PIK3R2: variants seen among roughly 807,000 people sequenced by gnomAD.
PIK3R2 encodes the protein phosphatidylinositol 3-kinase regulatory subunit beta.
PIK3R2 carries 40 observed loss-of-function variants against 78.5 expected under a neutral mutation model. The observed-to-expected ratio is 0.51, with a 90% CI of 0.40 to 0.66. The LOEUF (loss-of-function observed/expected upper bound fraction) is 0.66. PIK3R2 is among the 30% of genes least tolerant of loss of function. PIK3R2 has a pLI of 0.00. For missense variants in PIK3R2, 880 were observed against 1,026.6 expected (o/e 0.86, Z 1.95); for synonymous variants, 473 against 457.7 (o/e 1.03, Z -0.43).
chr19:18,159,854 G>T (rs1020639782), intron 2 of PIK3R2, among the ~76,000 whole-genome samples: 1 of 152,154 alleles, frequency 6.6e-6, no homozygotes, highest in Non-Finnish European at 1.5e-5. Context: ...CGATTCTCCT[G>T]CCTCAACCTC....
chr19:18,167,469 T>G lies in PIK3R2; in HGVS notation c.1736+163T>G, dbSNP rs2043821482. Among the ~76,000 whole-genome samples the G allele has an allele frequency of 6.6e-6, 1 of 152,072 alleles. No individual in the cohort carries two copies. Among genetic ancestry groups the G allele is most frequent in the Non-Finnish European group, 1.5e-5 (1 of 68,002 alleles). ...CCCGGGCCCCTTGAAAGTTTTCCCA[T>G]AGGTCAGCCTCAGCTTAGTCAGAGG... is the stretch of plus-strand genomic sequence containing the variant. On this transcript the variant is annotated intron_variant, in intron 13 of 15. Coordinates refer to ENST00000222254, the MANE Select transcript of PIK3R2 (RefSeq NM_005027.4). The surrounding 1 kb of genome is among the most constrained non-coding windows in gnomAD (Gnocchi z 4.5).
rs771849488 is a variant in PIK3R2, at chr19:18,162,208, C to T, written c.908C>T (p.Pro303Leu). ...EEQEVAPPAL[P>L]PKPPKAKPAS... ...TTGTTTTCCTGTCCCCCAGCGCTGC[C>T]GCCTAAACCCCCCAAGGCAAAGCCG... The change falls in exon 8 of 16, where the codon CCG (proline) becomes CTG (leucine). Residue 303 changes from proline (P) to leucine (L), a missense_variant. By Grantham distance (98) the Pro-to-Leu change is moderately conservative (BLOSUM62 -3). Transcript: ENST00000222254. 6.4e-6 allele frequency: 10 copies of T among 1,565,714 alleles called. No homozygotes were observed. The highest frequency in any genetic ancestry group is 7.0e-6 in the Non-Finnish European group (8 of 1,138,688).
rs2043679864 is a variant in PIK3R2, at chr19:18,156,328, T to G, written c.322+127T>G. ...AAAGGACATTTGGTCATTTGACAAGTGTCTTCAGTGCTAGGCTCAGCAGTG... is the reference window on the plus strand; with the variant it reads ...AAAGGACATTTGGTCATTTGACAAGGGTCTTCAGTGCTAGGCTCAGCAGTG... On this transcript the variant is annotated intron_variant, in intron 2 of 15. Transcript: ENST00000222254. The surrounding 1 kb of genome is among the most constrained non-coding windows in gnomAD (Gnocchi z 4.2). 1.4e-6 allele frequency: 1 copy of G among 726,164 alleles called. No individual in the cohort carries two copies. Among genetic ancestry groups the G allele is most frequent in the Admixed American group, 3.8e-5 (1 of 26,352 alleles). The allele number at this position is 726,164 out of a possible 1,614,324, so 45.0% of individuals were successfully genotyped here.
rs1306375145 is a variant in PIK3R2, at chr19:18,167,358, C to T, written c.1736+52C>T. 1 of 1,443,480 alleles carries T rather than the reference C, an allele frequency of 6.9e-7. No individual in the cohort carries two copies. The highest frequency in any genetic ancestry group is 9.4e-7 in the Non-Finnish European group (1 of 1,066,984). The allele number at this position is 1,443,480 out of a possible 1,614,324, so 89.4% of individuals were successfully genotyped here. A position where few individuals can be genotyped will look rare whatever the true frequency, so the allele number is the denominator to read the frequency against. On this transcript the variant is annotated intron_variant, in intron 13 of 15. Coordinates refer to ENST00000222254, the MANE Select transcript of PIK3R2 (RefSeq NM_005027.4). The surrounding 1 kb of genome is among the most constrained non-coding windows in gnomAD (Gnocchi z 4.5). ...CGGCTCCCTGGCGACTGCTGCGGCA[C>T]ATGGAGATCTCTCTAGGAGTCTCAG...
At position 18,168,499 on chromosome 19, in the gene PIK3R2, G is replaced by A. The variant is rs1416155577; in HGVS notation, c.1761G>A (p.Arg587=). The A allele has an allele frequency of 2.6e-6, 2 of 780,820 alleles. No individual in the cohort carries two copies. Among genetic ancestry groups the A allele is most frequent in the African/African-American group, 1.7e-5 (1 of 59,126 alleles). 48.4% of individuals were successfully genotyped at this position (780,820 alleles called of 1,614,324 possible). ...GGTGGCTCACCCAGAAAGGCGCCCG[G>A]CAGAAGAAAATCAACGAGTGGCTGG... ...YLVWLTQKGA[R]QKKINEWLGI... The change falls in exon 14 of 16, where the codon CGG becomes CGA. Residue 587 remains arginine (R), a synonymous_variant. Transcript: ENST00000222254. This position sits in a 1 kb window ranked among gnomAD's most constrained non-coding sequence, Gnocchi z 4.1.
intron 11 of PIK3R2, among the ~76,000 whole-genome samples, chr19:18,163,837 G>A (rs1170886272): frequency 2.7e-5 from 1 of 36,406 alleles, no homozygotes; most frequent in East Asian, 9.7e-4. Context: ...ACAGAAATAA[G>A]CGTACGAGGC....
chr19:18,163,838 C>T (rs571211881), intron 11 of PIK3R2, among the ~76,000 whole-genome samples: 5 of 150,414 alleles, frequency 3.3e-5, no homozygotes, highest in East Asian at 2.0e-4. Context: ...CAGAAATAAG[C>T]GTACGAGGCT....
intron 1 of PIK3R2, among the ~76,000 whole-genome samples, chr19:18,153,603 G>T (rs1198069691): frequency 6.6e-6 from 1 of 152,162 alleles, no homozygotes; most frequent in Non-Finnish European, 1.5e-5. Flanking sequence ...ACCGAGGGGC[G>T]CCCAGGCATT....
At position 18,168,662 on chromosome 19, in the gene PIK3R2, G is replaced by A. The variant is rs1323466431; in HGVS notation, c.1809-64G>A. 3 of 1,381,732 alleles carry A rather than the reference G, an allele frequency of 2.2e-6. No individual in the cohort carries two copies. Among genetic ancestry groups the A allele is most frequent in the Non-Finnish European group, 3.1e-6 (3 of 972,206 alleles). The allele number at this position is 1,381,732 out of a possible 1,614,324, so 85.6% of individuals were successfully genotyped here. A position where few individuals can be genotyped will look rare whatever the true frequency, so the allele number is the denominator to read the frequency against. ...GGGAGGAAAAGTTGTCCAGGCAGCTGGGGAGCCTCGGAGGCTGGCAGGTGA... is the reference window on the plus strand; with the variant it reads ...GGGAGGAAAAGTTGTCCAGGCAGCTAGGGAGCCTCGGAGGCTGGCAGGTGA... On this transcript the variant is annotated intron_variant, in intron 14 of 15. Transcript: ENST00000222254. The surrounding 1 kb of genome is among the most constrained non-coding windows in gnomAD (Gnocchi z 4.1).
Position 18,168,691 on chromosome 19 carries a change from A to G in PIK3R2, c.1809-35A>G, listed in dbSNP as rs2147959553. The G allele has an allele frequency of 6.4e-7, 1 of 1,551,450 alleles. No individual in the cohort carries two copies. Among genetic ancestry groups the G allele is most frequent in the African/African-American group, 1.4e-5 (1 of 73,910 alleles). ...AGCCTCGGAGGCTGGCAGGTGAGTG[A>G]CCAGGGCCCTCCCCGCCACCGCCCC... On this transcript the variant is annotated intron_variant, in intron 14 of 15. Coordinates refer to ENST00000222254, the MANE Select transcript of PIK3R2 (RefSeq NM_005027.4). This position sits in a 1 kb window ranked among gnomAD's most constrained non-coding sequence, Gnocchi z 4.1.
At chr19:18,166,707 CAAAA>C (rs34888009) in intron 12 of PIK3R2, among the ~76,000 whole-genome samples, 122 of 81,686 alleles carry the variant, frequency 1.5e-3, no homozygotes, top group African/African-American at 7.0e-3. Context: ...AAGACTGTCT[CAAAA>C]AAAAAAAAAA....
In PIK3R2 at chr19:18,161,197, G is replaced by A. The variant is rs2043740072; in HGVS notation, c.598+12G>A. On this transcript the variant is annotated intron_variant, in intron 5 of 15. Coordinates refer to ENST00000222254, the MANE Select transcript of PIK3R2 (RefSeq NM_005027.4). The surrounding 1 kb of genome is among the most constrained non-coding windows in gnomAD (Gnocchi z 5.3). Reference sequence around the variant, plus strand: ...CCGGGCCCTGCGGGGTGAGCCTGGCGGGTAGCCCGGGGGAAGGAGGGGGCT... The same window carrying A: ...CCGGGCCCTGCGGGGTGAGCCTGGCAGGTAGCCCGGGGGAAGGAGGGGGCT... The A allele has an allele frequency of 6.5e-7, 1 of 1,541,252 alleles. No individual in the cohort carries two copies. Among genetic ancestry groups the A allele is most frequent in the Non-Finnish European group, 8.7e-7 (1 of 1,143,548 alleles).
chr19:18,162,890 C>G, intron 9 of PIK3R2, 77 bp from the exon 10 acceptor site: 2 of 1,383,800 alleles, frequency 1.4e-6, no homozygotes, highest in South Asian at 1.3e-5. Context: ...AAGACTCTGT[C>G]TCAAAAAAAA....
At chr19:18,158,036 TTTTC>T (rs1219504025) in intron 2 of PIK3R2, among the ~76,000 whole-genome samples, 3 of 152,242 alleles carry the variant, frequency 2.0e-5, no homozygotes, top group Non-Finnish European at 1.5e-5. Flanking sequence ...GGAGCAATAA[TTTTC>T]TTTCTTTTCT....
Position 18,168,638 on chromosome 19 carries a change from GGAGGAAA to G in PIK3R2, c.1809-87_1809-81del. On this transcript the variant is annotated intron_variant, in intron 14 of 15. Transcript: ENST00000222254. This position sits in a 1 kb window ranked among gnomAD's most constrained non-coding sequence, Gnocchi z 4.1. ...CGAAGAATGAGTAGGAGTTCACCAG[GGAGGAAA>G]AGTTGTCCAGGCAGCTGGGGAGCCT... The G allele has an allele frequency of 9.6e-6, 11 of 1,142,822 alleles. No homozygotes were observed. Among genetic ancestry groups the G allele is most frequent in the Non-Finnish European group, 1.5e-5 (11 of 755,690 alleles). The allele number at this position is 1,142,822 out of a possible 1,614,324, so 70.8% of individuals were successfully genotyped here. A position where few individuals can be genotyped will look rare whatever the true frequency, so the allele number is the denominator to read the frequency against.
chr19:18,164,535 A>G (rs1205986193), intron 11 of PIK3R2, among the ~76,000 whole-genome samples: 1 of 152,156 alleles, frequency 6.6e-6, no homozygotes, highest in Non-Finnish European at 1.5e-5. Context: ...TGTGCTAATA[A>G]GCTTCTTTTG....
intron 11 of PIK3R2, 74 bp from the exon 12 acceptor site, chr19:18,166,086 G>C (rs747220471): frequency 1.3e-6 from 2 of 1,592,436 alleles, no homozygotes; most frequent in South Asian, 2.2e-5. Flanking sequence ...TATCAGAGTT[G>C]AGATGTGCCT....
chr19:18,161,138 C>A lies in PIK3R2; in HGVS notation c.551C>A (p.Pro184Gln). The change falls in exon 5 of 16, where the codon CCG becomes CAG. Residue 184 changes from proline (P) to glutamine (Q), a missense_variant. By Grantham distance (76) the Pro-to-Gln change is moderately conservative. This residue lies in a region of PIK3R2 where 456 missense variants were observed against 486.6 expected (regional missense o/e 0.94). Transcript: ENST00000222254. This position sits in a 1 kb window ranked among gnomAD's most constrained non-coding sequence, Gnocchi z 5.3. ...AGCTTCCTGCTGGCACTGCCCGCGCCGCTCGTGACCCCCGAGGCCTCGGCC... is the reference window on the plus strand; with the variant it reads ...AGCTTCCTGCTGGCACTGCCCGCGCAGCTCGTGACCCCCGAGGCCTCGGCC... ...IKSFLLALPA[P>Q]LVTPEASAEA... 1 of 1,556,620 alleles carries A rather than the reference C, an allele frequency of 6.4e-7. No individual in the cohort carries two copies. The highest frequency in any genetic ancestry group is 8.7e-7 in the Non-Finnish European group (1 of 1,151,016).
intron 9 of PIK3R2, 50 bp downstream of exon 9, chr19:18,162,556 C>A: frequency 6.6e-7 from 1 of 1,506,020 alleles, no homozygotes; most frequent in Non-Finnish European, 9.2e-7. Flanking sequence ...GTCACAGAGA[C>A]CGGGAGTTCA....
Sources: gnomAD v4.1 joint callset for allele counts (sites outside exome capture counted in the v4.1 genomes callset) on GRCh38, gnomAD v4.1.1 for gene constraint, gnomAD v4.1.1 regional missense constraint, Gnocchi (gnomAD v3.1) non-coding constraint, MANE v1.5 for transcripts, NCBI Gene and HGNC (gene_info 2026-07-23, HGNC 2026-07-21) for gene names.